Variants in ALOX5 observed in about 807,000 individuals in gnomAD.
ALOX5 encodes the protein polyunsaturated fatty acid 5-lipoxygenase.
A neutral mutation model predicts 87.9 loss-of-function variants in ALOX5; 64 were observed. That is an observed-to-expected ratio of 0.73 (90% confidence interval 0.60 to 0.90). The LOEUF is 0.90. Ranked by LOEUF, ALOX5 falls within the 40% of genes least tolerant of loss-of-function variation. The pLI is 0.00. For synonymous variants in ALOX5, 388 were observed against 355.1 expected (o/e 1.09, Z -1.04); for missense variants, 822 against 907.5 (o/e 0.91, Z 1.21).
chr10:45,442,502 C>T (rs1842268818), intron 9 of ALOX5: 1 of 152,900 alleles, frequency 6.5e-6, no homozygotes, highest in South Asian at 2.1e-4. Flanking sequence ...CGTGGACACA[C>T]ATATGTGCCA....
In ALOX5 at chr10:45,444,086, G is replaced by A. The variant is rs532608824; in HGVS notation, c.1675-30G>A. On this transcript the variant is annotated intron_variant, in intron 12 of 13. Transcript: ENST00000374391. ...AGCTGGGCAGCAGGGCTTCGGGGGTGCCCACGCTTGCTGGCGGTCGTCTCC... is the reference window on the plus strand; with the variant it reads ...AGCTGGGCAGCAGGGCTTCGGGGGTACCCACGCTTGCTGGCGGTCGTCTCC... 24 of 1,507,522 alleles carry A rather than the reference G, an allele frequency of 1.6e-5. No homozygotes were observed. In the African/African-American group the frequency reaches 2.5e-4, roughly 16 times the overall value. 93.4% of individuals were successfully genotyped at this position (1,507,522 alleles called of 1,614,324 possible).
At position 45,443,886 on chromosome 10, in the gene ALOX5, C is replaced by G. The variant is rs997913430; in HGVS notation, c.1674+58C>G. On this transcript the variant is annotated intron_variant, in intron 12 of 13. Transcript: ENST00000374391. The stretch of plus-strand genomic sequence containing the variant: ...CCTTCTCAAGGCCGCTGCCTCCTCC[C>G]CCGCCCCGGTTCTGCACGCGTACTG... The G allele has an allele frequency of 6.4e-5, 98 of 1,529,954 alleles. 1 individual carries two copies. The highest frequency in any genetic ancestry group is 8.2e-5 in the Non-Finnish European group (93 of 1,131,832). 94.8% of individuals were successfully genotyped at this position (1,529,954 alleles called of 1,614,324 possible). A position where few individuals can be genotyped will look rare whatever the true frequency, so the allele number is the denominator to read the frequency against.
intron 3 of ALOX5, among the ~76,000 whole-genome samples, chr10:45,398,365 C>T (rs1224896009): frequency 6.6e-6 from 1 of 152,146 alleles, no homozygotes; most frequent in Non-Finnish European, 1.5e-5. Flanking sequence ...CAAATACCTA[C>T]CTAAATGTAA....
chr10:45,418,485 C>A (rs1841379849), intron 4 of ALOX5, among the ~76,000 whole-genome samples: 1 of 152,170 alleles, frequency 6.6e-6, no homozygotes, highest in Non-Finnish European at 1.5e-5. Context: ...CCCTCTGGGA[C>A]CGCGTCTCCA....
chr10:45,407,911 A>G (rs901372923), intron 3 of ALOX5, among the ~76,000 whole-genome samples: 4 of 152,174 alleles, frequency 2.6e-5, no homozygotes, highest in African/African-American at 7.2e-5. Flanking sequence ...TTATTTAGGA[A>G]CCAAAAGGGG....
At chr10:45,412,372 T>C in intron 4 of ALOX5, 59 bp downstream of exon 4, 2 of 1,601,100 alleles carry the variant, frequency 1.2e-6, no homozygotes, top group Non-Finnish European at 1.7e-6. Context: ...GTGCTGGGGG[T>C]GGAACCCTCA....
intron 12 of ALOX5, 81 bp downstream of exon 12, chr10:45,443,909 C>G: frequency 4.0e-6 from 6 of 1,490,492 alleles, no homozygotes; most frequent in Non-Finnish European, 5.4e-6. Context: ...TGCACGCGTA[C>G]TGCACCCTCG....
At chr10:45,424,869 G>T in intron 5 of ALOX5, 91 bp from the exon 6 acceptor site, 4 of 1,498,994 alleles carry the variant, frequency 2.7e-6, no homozygotes, top group Non-Finnish European at 3.6e-6. Flanking sequence ...AGACCAAGCA[G>T]GGACTCTGCT....
chr10:45,391,005 CTCTCTCCTCTCCCA>C (rs1416930820), intron 2 of ALOX5, among the ~76,000 whole-genome samples: 1,291 of 23,030 alleles, frequency 0.056, 13 homozygotes, highest in East Asian at 0.15. Context: ...CCCCTCTCCC[CTCTCTCCTCTCCCA>C]TCTCCCCTCT....
At chr10:45,439,130 G>A (rs1017905810) in intron 7 of ALOX5, among the ~76,000 whole-genome samples, 6 of 152,128 alleles carry the variant, frequency 3.9e-5, no homozygotes, top group Non-Finnish European at 8.8e-5. Flanking sequence ...GGATATATTG[G>A]GTAAAATAAA....
In ALOX5 at chr10:45,444,220, C is replaced by T. The variant is rs760196077; in HGVS notation, c.1779C>T (p.Pro593=). 8.4e-6 allele frequency: 13 copies of T among 1,554,334 alleles called. No homozygotes were observed. The highest frequency in any genetic ancestry group is 1.8e-4 in the Middle Eastern group (1 of 5,714). The stretch of plus-strand genomic sequence containing the variant: ...TTGAGCAGATCGTGGACACGCTGCC[C>T]GACCGCGGCCGCTCCTGCTGGCATC... ...VTIEQIVDTL[P]DRGRSCWHLG... is the part of the protein sequence containing the mutation. Residue 593 remains proline, a synonymous_variant, in exon 13 of 14, where the codon CCC becomes CCT. Coordinates refer to ENST00000374391, the MANE Select transcript of ALOX5 (RefSeq NM_000698.5).
chr10:45,438,129 CTTT>C (rs11290750), intron 7 of ALOX5, among the ~76,000 whole-genome samples: 2 of 146,250 alleles, frequency 1.4e-5, no homozygotes, highest in South Asian at 2.2e-4. Flanking sequence ...TTGACTTCCT[CTTT>C]TTTTTTTTTT....
In ALOX5 at chr10:45,428,634, T is replaced by G; in HGVS notation, c.851T>G (p.Ile284Ser). ...EQEVQQGNIF[I>S]VDFELLDGID... ...CTCCTGCAGCAAGGGAACATTTTCA[T>G]CGTGGACTTTGAGCTGCTGGATGGC... is the stretch of plus-strand genomic sequence containing the variant. Residue 284 changes from isoleucine (I) to serine (S), a missense_variant, in exon 7 of 14, where the codon ATC becomes AGC. Ile to Ser is a moderately radical substitution (Grantham distance 142, BLOSUM62 -2). Transcript: ENST00000374391. The G allele has an allele frequency of 1.2e-6, 2 of 1,614,160 alleles. No individual in the cohort carries two copies. The highest frequency in any genetic ancestry group is 1.7e-6 in the Non-Finnish European group (2 of 1,180,026).
chr10:45,382,509 C>T lies in ALOX5; in HGVS notation c.177C>T (p.Asp59=), dbSNP rs745999569. 1.1e-5 allele frequency: 17 copies of T among 1,614,048 alleles called. No individual in the cohort carries two copies. Among genetic ancestry groups the T allele is most frequent in the East Asian group, 2.2e-5 (1 of 44,896 alleles). ...GAVDSYDVTV[D]EELGEIQLVR... is the part of the protein sequence containing the mutation. ...TGGATTCATACGACGTGACTGTGGA[C>T]GAGGAACTGGGCGAGATCCAGCTGG... The change falls in exon 2 of 14, where the codon GAC becomes GAT. Residue 59 remains aspartate, a synonymous_variant. Transcript: ENST00000374391.
At chr10:45,412,849 T>C (rs1841119902) in intron 4 of ALOX5, among the ~76,000 whole-genome samples, 1 of 152,196 alleles carries the variant, frequency 6.6e-6, no homozygotes, top group Non-Finnish European at 1.5e-5. Context: ...GGCAGAGATA[T>C]AGGTTCTGTG....
intron 2 of ALOX5, among the ~76,000 whole-genome samples, 166 bp from the exon 3 acceptor site, chr10:45,395,689 C>T (rs1466295942): frequency 1.3e-4 from 20 of 152,108 alleles, no homozygotes; most frequent in Admixed American, 1.3e-3. Context: ...TTCCCTAAGC[C>T]TCAGTTTCTT....
chr10:45,374,740 CCCTCCACTTCAAGAT>C, intron 1 of ALOX5, among the ~76,000 whole-genome samples: 1 of 152,188 alleles, frequency 6.6e-6, no homozygotes, highest in African/African-American at 2.4e-5. Flanking sequence ...CCAAGGTTTC[CCCTCCACTTCAAGAT>C]CTGGGCTCCG....
intron 6 of ALOX5, among the ~76,000 whole-genome samples, chr10:45,427,232 G>A (rs1229476817): frequency 6.6e-6 from 1 of 152,184 alleles, no homozygotes; most frequent in African/African-American, 2.4e-5. Context: ...GATTGGATTA[G>A]CAGCCATTCC....
intron 3 of ALOX5, among the ~76,000 whole-genome samples, chr10:45,405,637 A>C (rs1251405448): frequency 1.3e-5 from 2 of 152,174 alleles, no homozygotes; most frequent in African/African-American, 4.8e-5. Context: ...CCTTTGCTTA[A>C]GAAAACCCTT....
Sources: gnomAD v4.1 joint callset for allele counts (sites outside exome capture counted in the v4.1 genomes callset) on GRCh38, gnomAD v4.1.1 for gene constraint, MANE v1.5 for transcripts, NCBI Gene and HGNC (gene_info 2026-07-23, HGNC 2026-07-21) for gene names.